ANKHD1: variants seen among roughly 807,000 people sequenced by gnomAD.
ANKHD1 encodes the protein ankyrin repeat and KH domain-containing protein 1.
Under a neutral mutation model 230.5 loss-of-function variants are expected in ANKHD1, and 31 were observed. That is an observed-to-expected ratio of 0.13 (90% CI 0.10 to 0.18). ANKHD1 has a LOEUF of 0.18. Ranked by LOEUF, ANKHD1 falls within the 10% of genes least tolerant of loss-of-function variation. The probability of loss-of-function intolerance (pLI) is 1.00; values close to 1 mark genes in which losing one functional copy is unlikely to be tolerated. For missense variants in ANKHD1, 2,256 were observed against 3,071.3 expected, an observed-to-expected ratio of 0.73 and a Z score of 6.27; for synonymous variants, 1,074 against 1,117.6, an observed-to-expected ratio of 0.96 and a Z score of 0.78.
intron 13 of ANKHD1, chr5:140,486,455 C>A (rs545164777): frequency 1.3e-5 from 2 of 152,490 alleles, no homozygotes; most frequent in African/African-American, 4.8e-5. Flanking sequence ...GTAACATAAG[C>A]GCTAGAAGTT....
chr5:140,451,659 C>G (rs1210137490), intron 7 of ANKHD1, among the ~76,000 whole-genome samples: 1 of 152,068 alleles, frequency 6.6e-6, no homozygotes, highest in Non-Finnish European at 1.5e-5. Flanking sequence ...CAGGCGCACA[C>G]CACTATGCTT....
chr5:140,440,090 G>A (rs1174321223), intron 3 of ANKHD1, 29 bp from the exon 4 acceptor site: 35 of 1,529,660 alleles, frequency 2.3e-5, no homozygotes, highest in Admixed American at 1.6e-4. Flanking sequence ...TTTTTGTTTC[G>A]GTTAATTGTT....
chr5:140,433,601 G>A (rs1773224214), intron 1 of ANKHD1, among the ~76,000 whole-genome samples: 1 of 152,088 alleles, frequency 6.6e-6, no homozygotes, highest in African/African-American at 2.4e-5. Flanking sequence ...TGTAATAGTT[G>A]TTGGAGTCTT....
At chr5:140,471,210 CT>C (rs1191551666) in intron 10 of ANKHD1, among the ~76,000 whole-genome samples, 9 of 152,188 alleles carry the variant, frequency 5.9e-5, no homozygotes, top group African/African-American at 2.2e-4. Flanking sequence ...TTCTTCTATT[CT>C]TCCAATTCAC....
chr5:140,406,815 C>G (rs377371498), intron 1 of ANKHD1, among the ~76,000 whole-genome samples: 1 of 152,020 alleles, frequency 6.6e-6, no homozygotes, highest in Admixed American at 6.6e-5. Flanking sequence ...GGATTACAGC[C>G]GTGAGTCACC....
At chr5:140,519,608 C>G (rs1753222078) in intron 24 of ANKHD1, among the ~76,000 whole-genome samples, 1 of 152,140 alleles carries the variant, frequency 6.6e-6, no homozygotes, top group Non-Finnish European at 1.5e-5. Context: ...GAACAGAGCC[C>G]TCAGAAATAA....
At chr5:140,508,610 G>T (rs1752633623) in intron 20 of ANKHD1, among the ~76,000 whole-genome samples, 1 of 151,964 alleles carries the variant, frequency 6.6e-6, no homozygotes, top group Non-Finnish European at 1.5e-5. Flanking sequence ...CAAAAAATTA[G>T]CTGGACGTGG....
chr5:140,496,893 C>G lies in ANKHD1; in HGVS notation c.2619C>G (p.Cys873Trp), dbSNP rs1292097862. The change falls in exon 15 of 34, where the codon TGC becomes TGG. Residue 873 changes from cysteine (C) to tryptophan (W), a missense_variant. This residue lies in a region of ANKHD1 where 358 missense variants were observed against 397.7 expected (regional missense o/e 0.90). Transcript: ENST00000360839. ...QKDTVSLHQQ[C>W]SHRGVFPEGE... ...ACACAGTGTCTCTACACCAACAGTG[C>G]TCTCATAGAGGAGTCTTCCCAGAAG... 1.9e-6 allele frequency: 3 copies of G among 1,614,192 alleles called. No homozygotes were observed. Among genetic ancestry groups the G allele is most frequent in the Middle Eastern group, 3.3e-4 (2 of 6,062 alleles).
Position 140,438,464 on chromosome 5 carries a change from T to C in ANKHD1, c.464T>C (p.Ile155Thr). 6.2e-7 allele frequency: 1 copy of C among 1,603,972 alleles called. No individual in the cohort carries two copies. The highest frequency in any genetic ancestry group is 8.5e-7 in the Non-Finnish European group (1 of 1,174,670). Residue 155 changes from isoleucine to threonine, a missense_variant, in exon 3 of 34, where the codon ATT becomes ACT. Physicochemically the swap from Ile to Thr is moderately conservative, Grantham distance 89. This residue lies in a region of ANKHD1 where 206 missense variants were observed against 304.5 expected (regional missense o/e 0.68). Transcript: ENST00000360839. Reference protein sequence around the residue: ...RLEALLEAAGIGKLSTADGKA... With the variant: ...RLEALLEAAGTGKLSTADGKA... ...GATTGATTGATGCACACTGAAGGAA[T>C]TGGCAAATTGTCAACTGCTGATGGT... is the stretch of plus-strand genomic sequence containing the variant.
At chr5:140,461,266 A>G (rs1775683771) in intron 9 of ANKHD1, among the ~76,000 whole-genome samples, 1 of 152,172 alleles carries the variant, frequency 6.6e-6, no homozygotes, top group Non-Finnish European at 1.5e-5. Context: ...GTCAACATTC[A>G]AACTTAGAAC....
chr5:140,407,050 A>C (rs1770520837), intron 1 of ANKHD1, among the ~76,000 whole-genome samples: 1 of 151,704 alleles, frequency 6.6e-6, no homozygotes, highest in Non-Finnish European at 1.5e-5. Flanking sequence ...TAATCCCAGC[A>C]CTTTGGGAGG....
At chr5:140,422,346 A>G (rs1349201979) in intron 1 of ANKHD1, among the ~76,000 whole-genome samples, 2 of 151,924 alleles carry the variant, frequency 1.3e-5, no homozygotes, top group African/African-American at 4.8e-5. Context: ...GCTGGTCTCA[A>G]ACTCCTGACC....
At chr5:140,417,534 C>T (rs982669205) in intron 1 of ANKHD1, among the ~76,000 whole-genome samples, 1 of 151,962 alleles carries the variant, frequency 6.6e-6, no homozygotes, top group African/African-American at 2.4e-5. Context: ...CTGCAACCTC[C>T]ACCTCCAGAG....
chr5:140,510,381 C>T (rs548705552), intron 22 of ANKHD1, among the ~76,000 whole-genome samples, 200 bp downstream of exon 22: 78 of 139,234 alleles, frequency 5.6e-4, no homozygotes, highest in African/African-American at 1.5e-3. Context: ...GGCATGATCG[C>T]GGCTCACTGC....
chr5:140,406,525 T>G (rs1331553222), intron 1 of ANKHD1, among the ~76,000 whole-genome samples: 1 of 151,994 alleles, frequency 6.6e-6, no homozygotes, highest in African/African-American at 2.4e-5. Flanking sequence ...GCAAAAGACC[T>G]TTTGGTTAGA....
chr5:140,461,302 A>T (rs1431611863), intron 9 of ANKHD1, among the ~76,000 whole-genome samples: 1 of 152,208 alleles, frequency 6.6e-6, no homozygotes, highest in Non-Finnish European at 1.5e-5. Flanking sequence ...CTACTGCATT[A>T]CCATTGATTT....
In ANKHD1 at chr5:140,538,207, C is replaced by T. The variant is rs575326900; in HGVS notation, c.7350C>T (p.Ala2450=). 92 of 1,613,970 alleles carry T rather than the reference C, an allele frequency of 5.7e-5. No individual in the cohort carries two copies. In the South Asian group the frequency reaches 8.8e-4, roughly 15 times the overall value. The change falls in exon 32 of 34, where the codon GCC becomes GCT. Residue 2450 remains alanine (A), a synonymous_variant. Coordinates refer to ENST00000360839, the MANE Select transcript of ANKHD1 (RefSeq NM_017747.3). ...PMERDDSGMV[A]PSNIFHQPMA... is the part of the protein sequence containing the mutation. Reference sequence around the variant, plus strand: ...AGAGAGATGATTCTGGAATGGTAGCCCCCTCTAACATTTTTCATCAGCCTA... The same window carrying T: ...AGAGAGATGATTCTGGAATGGTAGCTCCCTCTAACATTTTTCATCAGCCTA...
chr5:140,414,987 G>T (rs1771239799), intron 1 of ANKHD1, among the ~76,000 whole-genome samples: 1 of 152,014 alleles, frequency 6.6e-6, no homozygotes, highest in South Asian at 2.1e-4. Flanking sequence ...TTGCTGTAGT[G>T]TCCTTTCATG....
At chr5:140,531,281 G>C (rs929116728) in intron 29 of ANKHD1, 5 of 419,384 alleles carry the variant, frequency 1.2e-5, no homozygotes, top group Non-Finnish European at 2.4e-5. Flanking sequence ...TAGTTTTCAG[G>C]TAAGAAGTAG....
Sources: allele counts gnomAD v4.1 joint callset (sites outside exome capture counted in the v4.1 genomes callset), GRCh38; gene constraint gnomAD v4.1.1; regional missense constraint gnomAD v4.1.1; transcripts MANE v1.5; gene names NCBI Gene and HGNC (gene_info 2026-07-23, HGNC 2026-07-21).